EML4: variants seen among roughly 807,000 people sequenced by gnomAD.
EML4 encodes the protein EMAP like 4.
In EML4, 72 loss-of-function variants were observed where a neutral mutation model predicts 129.0. That is an observed-to-expected ratio of 0.56 (90% confidence interval 0.46 to 0.68). EML4 has a LOEUF of 0.68. Among genes scored for constraint, EML4 ranks in the 30% least tolerant of loss-of-function variants. EML4 has a pLI of 0.00. For missense variants in EML4, 1,363 were observed against 1,190.6 expected (o/e 1.14, Z -2.13); for synonymous variants, 532 against 405.0 (o/e 1.31, Z -3.77).
chr2:42,169,574 G>T lies in EML4; in HGVS notation c.-38G>T, dbSNP rs770523629. ...TGTCGGTCCGCTGAATGAAGTGCCC[G>T]CCCCTCTAAGCCCGGAGCCCGGCGC... On this transcript the variant is annotated 5_prime_UTR_variant, in exon 1 of 23. Coordinates refer to ENST00000318522, the MANE Select transcript of EML4 (RefSeq NM_019063.5). 6 of 1,592,860 alleles carry T rather than the reference G, an allele frequency of 3.8e-6. No homozygotes were observed. The highest frequency in any genetic ancestry group is 1.4e-5 in the African/African-American group (1 of 73,974).
intron 18 of EML4, 129 bp downstream of exon 18, chr2:42,316,179 C>T (rs1669236312): frequency 3.9e-6 from 2 of 511,464 alleles, no homozygotes; most frequent in South Asian, 4.2e-5. Flanking sequence ...AAATCTGTTT[C>T]CCCCAACATC....
chr2:42,184,042 C>G (rs1322453025), intron 1 of EML4, among the ~76,000 whole-genome samples: 1 of 152,038 alleles, frequency 6.6e-6, no homozygotes, highest in Non-Finnish European at 1.5e-5. Flanking sequence ...TTGCTGTGCT[C>G]TGAAGTGTTG....
intron 1 of EML4, among the ~76,000 whole-genome samples, chr2:42,193,897 A>G (rs181626308): frequency 6.6e-6 from 1 of 152,172 alleles, no homozygotes; most frequent in African/African-American, 2.4e-5. Flanking sequence ...TGTTGCCTGT[A>G]CTGTCTGGAA....
At chr2:42,275,668 T>A (rs965019015) in intron 6 of EML4, among the ~76,000 whole-genome samples, 5 of 152,224 alleles carry the variant, frequency 3.3e-5, no homozygotes, top group Non-Finnish European at 5.9e-5. Context: ...AGTTAGTAAG[T>A]GCTAAAGCTG....
rs1245562232 is a variant in EML4 at position 42,245,658 on chromosome 2, C to T, written c.179C>T (p.Ala60Val). 6.2e-7 allele frequency: 1 copy of T among 1,610,300 alleles called. No individual in the cohort carries two copies. The highest frequency in any genetic ancestry group is 1.3e-5 in the African/African-American group (1 of 74,658). ...RRLAISEDHV[A>V]SVKKSVSSKG... ...CTTGCAATCTCTGAAGATCATGTGG[C>T]CTCAGTGAAAAAATCAGTCTCAAGT... The change falls in exon 2 of 23, where the codon GCC (alanine) becomes GTC (valine). Residue 60 changes from alanine to valine, a missense_variant. Ala to Val is a moderately conservative substitution (Grantham distance 64). Coordinates refer to ENST00000318522, the MANE Select transcript of EML4 (RefSeq NM_019063.5).
At chr2:42,185,004 T>G (rs1485200699) in intron 1 of EML4, among the ~76,000 whole-genome samples, 1 of 152,208 alleles carries the variant, frequency 6.6e-6, no homozygotes, top group Admixed American at 6.5e-5. Context: ...AACTTTTTGT[T>G]TTTATGTAAT....
intron 2 of EML4, among the ~76,000 whole-genome samples, chr2:42,248,234 G>A (rs1328099861): frequency 6.6e-6 from 1 of 152,012 alleles, no homozygotes; most frequent in East Asian, 1.9e-4. Context: ...GGTCTCCAAA[G>A]TCTTTTTAAT....
rs966120487 is a variant in EML4 at position 42,331,390 on chromosome 2, A to G, written c.*1183A>G. Reference sequence around the variant, plus strand: ...TCCTACTCTTTTGGGCAATGCATGTATTATGCATTGGAAAGGTATTTTTTT... The same window carrying G: ...TCCTACTCTTTTGGGCAATGCATGTGTTATGCATTGGAAAGGTATTTTTTT... On this transcript the variant is annotated 3_prime_UTR_variant, in exon 23 of 23. Transcript: ENST00000318522. 3 of 223,852 alleles carry G rather than the reference A, an allele frequency of 1.3e-5. No individual in the cohort carries two copies. The highest frequency in any genetic ancestry group is 6.5e-5 in the East Asian group (1 of 15,292). The allele number at this position is 223,852 out of a possible 1,614,324, so 13.9% of individuals were successfully genotyped here.
intron 17 of EML4, among the ~76,000 whole-genome samples, chr2:42,307,802 C>T (rs1379148741): frequency 2.0e-5 from 3 of 152,084 alleles, no homozygotes; most frequent in African/African-American, 4.8e-5. Flanking sequence ...TTACAGGCGC[C>T]CACCACCATA....
chr2:42,316,095 C>A, intron 18 of EML4, 45 bp downstream of exon 18: 1 of 1,314,638 alleles, frequency 7.6e-7, no homozygotes, highest in Non-Finnish European at 1.1e-6. Context: ...ATTCACAGCA[C>A]TTCACTGCAA....
chr2:42,208,549 C>T (rs1333785531), intron 1 of EML4, among the ~76,000 whole-genome samples: 1 of 151,548 alleles, frequency 6.6e-6, no homozygotes, highest in Non-Finnish European at 1.5e-5. Context: ...ATTCTCCTGC[C>T]TCAGCCTCCA....
chr2:42,302,689 G>T (rs574779713), intron 14 of EML4, among the ~76,000 whole-genome samples: 1 of 151,740 alleles, frequency 6.6e-6, no homozygotes, highest in East Asian at 1.9e-4. Context: ...GCCCGCCACC[G>T]CACCTGGCTG....
At chr2:42,295,306 T>C (rs914173711) in intron 12 of EML4, 47 bp downstream of exon 12, 1 of 1,594,732 alleles carries the variant, frequency 6.3e-7, no homozygotes, top group African/African-American at 1.4e-5. Context: ...AAGACTTTAA[T>C]TTTTTTAATT....
intron 6 of EML4, among the ~76,000 whole-genome samples, chr2:42,266,836 C>T (rs1212997497): frequency 2.0e-5 from 3 of 151,938 alleles, no homozygotes; most frequent in Non-Finnish European, 2.9e-5. Flanking sequence ...TTTCACATGA[C>T]TACTGAAGGA....
intron 1 of EML4, among the ~76,000 whole-genome samples, chr2:42,240,480 T>C (rs1487526665): frequency 6.6e-6 from 1 of 152,192 alleles, no homozygotes; most frequent in Admixed American, 6.5e-5. Context: ...AAGTGTGTTT[T>C]GGTGTGTGTC....
At position 42,330,042 on chromosome 2, in the gene EML4, G is replaced by C; in HGVS notation, c.2781G>C (p.Leu927=). The change falls in exon 23 of 23, where the codon CTG becomes CTC. Residue 927 remains leucine, a synonymous_variant. Transcript: ENST00000318522. ...CTCCCACACTTCTGGAGAACAGCCT[G>C]GAACAAACTGTGGAGCCAAGTGAAG... ...SSSPTLLENS[L]EQTVEPSEDH... is the part of the protein sequence containing the mutation. The C allele has an allele frequency of 6.2e-7, 1 of 1,613,556 alleles. No homozygotes were observed. Among genetic ancestry groups the C allele is most frequent in the Non-Finnish European group, 8.5e-7 (1 of 1,179,942 alleles).
Position 42,280,930 on chromosome 2 carries a change from A to G in EML4, c.748A>G (p.Ile250Val). Residue 250 changes from isoleucine to valine, a missense_variant, in exon 7 of 23, where the codon ATC becomes GTC. Physicochemically the swap from Ile to Val is conservative, Grantham distance 29. Transcript: ENST00000318522. ...TTCCGATGTTGACAACTATGATGAC[A>G]TCAGAACGGAACTGCCTCCTGAGAA... ...IPSDVDNYDD[I>V]RTELPPEKLK... 1 of 1,612,764 alleles carries G rather than the reference A, an allele frequency of 6.2e-7. No homozygotes were observed. The highest frequency in any genetic ancestry group is 8.5e-7 in the Non-Finnish European group (1 of 1,179,280).
intron 13 of EML4, among the ~76,000 whole-genome samples, chr2:42,299,780 C>T (rs748280669): frequency 7.9e-5 from 12 of 152,156 alleles, no homozygotes; most frequent in Non-Finnish European, 1.6e-4. Context: ...CCTCCGCCTC[C>T]CAGGTTCAAG....
intron 1 of EML4, among the ~76,000 whole-genome samples, chr2:42,245,159 A>T (rs887074000): frequency 3.2e-5 from 4 of 124,714 alleles, no homozygotes; most frequent in Non-Finnish European, 6.4e-5. Context: ...CAGTGGTGCA[A>T]TCTCAGCTCA....
Sources: gnomAD v4.1 joint callset for allele counts (sites outside exome capture counted in the v4.1 genomes callset) on GRCh38, gnomAD v4.1.1 for gene constraint, MANE v1.5 for transcripts, NCBI Gene and HGNC (gene_info 2026-07-23, HGNC 2026-07-21) for gene names.